ADAMTS16: variants seen among roughly 807,000 people sequenced by gnomAD.
ADAMTS16 encodes ADAM metallopeptidase with thrombospondin type 1 motif 16.
Under a neutral mutation model 145.8 loss-of-function variants are expected in ADAMTS16, and 94 were observed. The ratio of observed to expected loss-of-function variants is 0.64; its 90% CI spans 0.55 to 0.77. ADAMTS16 has a LOEUF of 0.77. Ranked by LOEUF, ADAMTS16 falls within the 30% of genes least tolerant of loss-of-function variation. ADAMTS16 has a pLI of 0.00. For missense variants in ADAMTS16, 1,585 were observed against 1,591.5 expected (o/e 1.00, Z 0.07); for synonymous variants, 659 against 604.3 (o/e 1.09, Z -1.33).
At chr5:5,255,477 T>A (rs1206483241) in intron 17 of ADAMTS16, among the ~76,000 whole-genome samples, 1 of 152,212 alleles carries the variant, frequency 6.6e-6, no homozygotes, top group Non-Finnish European at 1.5e-5. Flanking sequence ...AGATCATTGG[T>A]GATGATTACA....
chr5:5,224,179 G>A (rs1013123570), intron 11 of ADAMTS16, among the ~76,000 whole-genome samples: 18 of 151,952 alleles, frequency 1.2e-4, no homozygotes, highest in Admixed American at 6.6e-5. Context: ...TCAGTTCCTC[G>A]AAGGGCGTGA....
Position 5,310,825 on chromosome 5 carries a change from C to T in ADAMTS16, c.3411+4097C>T, listed in dbSNP as rs1197913831. ...TAGTTTGTAGCAATTATTACAGCAG[C>T]CCCAGGGAACTCACATGGGTGTTAT... On this transcript the variant is annotated intron_variant, in intron 21 of 22. Coordinates refer to ENST00000274181, the MANE Select transcript of ADAMTS16 (RefSeq NM_139056.4). This position sits in a 1 kb window ranked among gnomAD's most constrained non-coding sequence, Gnocchi z 4.3. Among the ~76,000 whole-genome samples, 2 of 152,188 alleles carry T rather than the reference C, an allele frequency of 1.3e-5. No individual in the cohort carries two copies. The highest frequency in any genetic ancestry group is 2.9e-5 in the Non-Finnish European group (2 of 68,044).
At chr5:5,296,511 T>A (rs1039598520) in intron 18 of ADAMTS16, among the ~76,000 whole-genome samples, 1 of 152,146 alleles carries the variant, frequency 6.6e-6, no homozygotes, top group African/African-American at 2.4e-5. Flanking sequence ...GCTCAGAACT[T>A]TCTTGGCCAG....
intron 9 of ADAMTS16, among the ~76,000 whole-genome samples, chr5:5,208,244 T>C (rs1736182938): frequency 6.6e-6 from 1 of 152,190 alleles, no homozygotes; most frequent in Non-Finnish European, 1.5e-5. Flanking sequence ...CCAGTCAAGG[T>C]GGACAACCAC....
At chr5:5,253,702 C>A (rs79030712) in intron 17 of ADAMTS16, among the ~76,000 whole-genome samples, 1 of 152,134 alleles carries the variant, frequency 6.6e-6, no homozygotes, top group African/African-American at 2.4e-5. Flanking sequence ...TCTCTGCAAC[C>A]CACATCTTCG....
At chr5:5,295,054 G>C (rs1295150206) in intron 18 of ADAMTS16, among the ~76,000 whole-genome samples, 2 of 152,188 alleles carry the variant, frequency 1.3e-5, no homozygotes. Context: ...TCACTTAAAA[G>C]ACACAAATGC....
At chr5:5,267,578 C>T (rs1738288156) in intron 18 of ADAMTS16, among the ~76,000 whole-genome samples, 1 of 152,136 alleles carries the variant, frequency 6.6e-6, no homozygotes, top group African/African-American at 2.4e-5. Flanking sequence ...TGGTGCCTGT[C>T]AGCGTGCCCC....
chr5:5,311,625 C>T (rs1291502767), intron 21 of ADAMTS16, among the ~76,000 whole-genome samples: 2 of 150,734 alleles, frequency 1.3e-5, no homozygotes, highest in Non-Finnish European at 2.9e-5. Context: ...TGGCTCACTG[C>T]AATTTCCGCC....
intron 13 of ADAMTS16, among the ~76,000 whole-genome samples, 171 bp downstream of exon 13, chr5:5,235,357 C>G (rs537938463): frequency 6.6e-6 from 1 of 152,174 alleles, no homozygotes; most frequent in Admixed American, 6.5e-5. Context: ...CCCACCATCA[C>G]GACCTCTTAT....
intron 10 of ADAMTS16, among the ~76,000 whole-genome samples, chr5:5,222,399 G>A (rs940651412): frequency 5.9e-5 from 9 of 151,966 alleles, no homozygotes; most frequent in African/African-American, 2.2e-4. Context: ...TTAAAAATAA[G>A]AATTCAGACT....
At chr5:5,227,599 C>T in intron 11 of ADAMTS16, among the ~76,000 whole-genome samples, 1 of 151,634 alleles carries the variant, frequency 6.6e-6, no homozygotes, top group Non-Finnish European at 1.5e-5. Context: ...AGATACAGTG[C>T]TTTCTCATCA....
intron 10 of ADAMTS16, among the ~76,000 whole-genome samples, chr5:5,218,493 C>T (rs1736498963): frequency 6.6e-6 from 1 of 152,194 alleles, no homozygotes; most frequent in Non-Finnish European, 1.5e-5. Context: ...TCCCAAAGCC[C>T]AAGTGAGCAT....
At chr5:5,272,274 A>C (rs1579364634) in intron 18 of ADAMTS16, among the ~76,000 whole-genome samples, 1 of 151,610 alleles carries the variant, frequency 6.6e-6, no homozygotes. Context: ...TGGGAGTGAG[A>C]CCTGCGCAGC....
At chr5:5,157,388 A>G (rs1042453510) in intron 3 of ADAMTS16, among the ~76,000 whole-genome samples, 1 of 149,930 alleles carries the variant, frequency 6.7e-6, no homozygotes, top group African/African-American at 2.4e-5. Context: ...TGTAGCAAAA[A>G]TAAGCCTCTC....
At position 5,140,394 on chromosome 5, in the gene ADAMTS16, G is replaced by T; in HGVS notation, c.-74G>T. Reference sequence around the variant, plus strand: ...ATCCTCCCGCGCTCTGCCTGGGTCGGGTCCTCCCTGCCCGCTCGCACGCTG... The same window carrying T: ...ATCCTCCCGCGCTCTGCCTGGGTCGTGTCCTCCCTGCCCGCTCGCACGCTG... On this transcript the variant is annotated 5_prime_UTR_variant, in exon 1 of 23. Transcript: ENST00000274181. The T allele has an allele frequency of 7.0e-7, 1 of 1,421,180 alleles. No individual in the cohort carries two copies. The highest frequency in any genetic ancestry group is 1.3e-5 in the South Asian group (1 of 74,212). The allele number at this position is 1,421,180 out of a possible 1,614,324, so 88.0% of individuals were successfully genotyped here. A position where few individuals can be genotyped will look rare whatever the true frequency, so the allele number is the denominator to read the frequency against.
chr5:5,225,306 A>G (rs1047489521), intron 11 of ADAMTS16, among the ~76,000 whole-genome samples: 6 of 152,164 alleles, frequency 3.9e-5, no homozygotes, highest in African/African-American at 1.4e-4. Context: ...ACTTCAGTAT[A>G]TAAAGAGGAA....
At chr5:5,271,062 T>C (rs1579363118) in intron 18 of ADAMTS16, among the ~76,000 whole-genome samples, 1 of 152,236 alleles carries the variant, frequency 6.6e-6, no homozygotes, top group African/African-American at 2.4e-5. Flanking sequence ...GGGTGGAACC[T>C]GTAAAACATC....
chr5:5,279,041 T>C (rs1738800088), intron 18 of ADAMTS16, among the ~76,000 whole-genome samples: 1 of 152,122 alleles, frequency 6.6e-6, no homozygotes, highest in Non-Finnish European at 1.5e-5. Flanking sequence ...GAGGTGAGCA[T>C]GTGAAATGTC....
At chr5:5,251,858 T>A (rs534832775) in intron 17 of ADAMTS16, among the ~76,000 whole-genome samples, 5 of 151,974 alleles carry the variant, frequency 3.3e-5, no homozygotes, top group Non-Finnish European at 7.4e-5. Context: ...ACTCGGTGCT[T>A]TTTTTTTCTT....
Sources: allele counts gnomAD v4.1 joint callset (sites outside exome capture counted in the v4.1 genomes callset), GRCh38; gene constraint gnomAD v4.1.1; non-coding constraint Gnocchi (gnomAD v3.1); transcripts MANE v1.5; gene names NCBI Gene and HGNC (gene_info 2026-07-23, HGNC 2026-07-21).